Variants in STAG1 observed in about 807,000 individuals in gnomAD.
STAG1 encodes STAG1 cohesin complex component, also known as cohesin subunit SA-1.
Under a neutral mutation model 170.9 loss-of-function variants are expected in STAG1, and 26 were observed. That is an observed-to-expected ratio of 0.15 (90% CI 0.11 to 0.21). The LOEUF (loss-of-function observed/expected upper bound fraction) is 0.21. STAG1 is among the 10% of genes least tolerant of loss of function. The pLI, the probability that STAG1 is intolerant of heterozygous loss-of-function variation, is 1.00. For synonymous variants in STAG1, 514 were observed against 497.7 expected, an observed-to-expected ratio of 1.03 and a Z score of -0.44; for missense variants, 964 against 1,509.5, an observed-to-expected ratio of 0.64 and a Z score of 5.99.
At chr3:136,470,541 C>T (rs1576501520) in intron 12 of STAG1, among the ~76,000 whole-genome samples, 3 of 152,298 alleles carry the variant, frequency 2.0e-5, no homozygotes, top group African/African-American at 4.8e-5. Flanking sequence ...GTTGGTAGGA[C>T]TGTAAACTAG....
chr3:136,444,270 C>T (rs1315884031), intron 14 of STAG1, among the ~76,000 whole-genome samples: 1 of 152,136 alleles, frequency 6.6e-6, no homozygotes, highest in African/African-American at 2.4e-5. Flanking sequence ...GATGGGGTTT[C>T]ACCACGTTGG....
chr3:136,535,956 T>C (rs1305683435), intron 6 of STAG1, among the ~76,000 whole-genome samples: 3 of 152,242 alleles, frequency 2.0e-5, no homozygotes, highest in Non-Finnish European at 2.9e-5. Flanking sequence ...AATATAAATG[T>C]GATTTATGTG....
intron 1 of STAG1, among the ~76,000 whole-genome samples, chr3:136,730,076 CGCCCTCTGTCACCCAG>C (rs1163404207): frequency 1.3e-5 from 2 of 151,688 alleles, no homozygotes; most frequent in African/African-American, 4.8e-5. Context: ...GAGACAGAGT[CGCCCTCTGTCACCCAG>C]GCCCTCTGTC....
chr3:136,688,862 T>C (rs1442667818), intron 1 of STAG1, among the ~76,000 whole-genome samples: 1 of 152,214 alleles, frequency 6.6e-6, no homozygotes, highest in East Asian at 1.9e-4. Flanking sequence ...GCTTTCAAAT[T>C]TATTAACACC....
intron 2 of STAG1, among the ~76,000 whole-genome samples, chr3:136,628,261 A>G (rs1402055099): frequency 1.3e-5 from 2 of 152,148 alleles, no homozygotes; most frequent in Non-Finnish European, 2.9e-5. Context: ...CTCGCCAGCC[A>G]TGCCATGAGT....
chr3:136,406,306 T>C (rs1231518923), intron 21 of STAG1, among the ~76,000 whole-genome samples: 2 of 152,188 alleles, frequency 1.3e-5, no homozygotes, highest in African/African-American at 2.4e-5. Context: ...TCTCAACGGT[T>C]ACATGCTGTA....
At chr3:136,736,735 C>T (rs1934357428) in intron 1 of STAG1, 2 of 1,602,048 alleles carry the variant, frequency 1.2e-6, no homozygotes, top group Admixed American at 3.3e-5. Flanking sequence ...TTTTAATTTC[C>T]AGCTCAGCAA....
At chr3:136,410,228 T>A (rs1023876270) in intron 21 of STAG1, among the ~76,000 whole-genome samples, 2 of 151,642 alleles carry the variant, frequency 1.3e-5, no homozygotes, top group Non-Finnish European at 2.9e-5. Context: ...GGTGAAATCC[T>A]GTCTCTACTA....
intron 25 of STAG1, 84 bp downstream of exon 25, chr3:136,366,859 A>G (rs1263642910): frequency 8.3e-7 from 1 of 1,201,262 alleles, no homozygotes; most frequent in Non-Finnish European, 1.2e-6. Flanking sequence ...AAAGCTGTCA[A>G]TTTTAGCTTC....
chr3:136,618,819 T>C (rs1196547996), intron 3 of STAG1, among the ~76,000 whole-genome samples: 1 of 152,152 alleles, frequency 6.6e-6, no homozygotes, highest in Non-Finnish European at 1.5e-5. Context: ...ACTGTGGTTA[T>C]GTAAGAAAAA....
chr3:136,642,541 C>A (rs1940843953), intron 1 of STAG1, among the ~76,000 whole-genome samples: 1 of 152,092 alleles, frequency 6.6e-6, no homozygotes, highest in Non-Finnish European at 1.5e-5. Context: ...GCTGGGATCA[C>A]AAGCGTGAGC....
At chr3:136,393,276 G>C (rs1487415177) in intron 22 of STAG1, among the ~76,000 whole-genome samples, 1 of 152,104 alleles carries the variant, frequency 6.6e-6, no homozygotes, top group Non-Finnish European at 1.5e-5. Flanking sequence ...TAGAGTTTTA[G>C]GTGCATTATC....
intron 21 of STAG1, among the ~76,000 whole-genome samples, chr3:136,407,019 C>G (rs1304329804): frequency 1.3e-5 from 2 of 151,954 alleles, no homozygotes; most frequent in African/African-American, 4.8e-5. Context: ...ATTATATTCT[C>G]TTTTTGCAAT....
At chr3:136,372,501 T>C (rs897804656) in intron 23 of STAG1, among the ~76,000 whole-genome samples, 8 of 152,224 alleles carry the variant, frequency 5.3e-5, no homozygotes, top group Non-Finnish European at 4.4e-5. Flanking sequence ...TAGATAGCTC[T>C]TATTATTTTG....
At chr3:136,354,977 T>C (rs1197919342) in intron 28 of STAG1, among the ~76,000 whole-genome samples, 1 of 151,884 alleles carries the variant, frequency 6.6e-6, no homozygotes, top group African/African-American at 2.4e-5. Context: ...CTGGAGTGAT[T>C]ATAGTAGTAT....
At chr3:136,345,573 G>A (rs573070053) in intron 29 of STAG1, among the ~76,000 whole-genome samples, 1 of 148,136 alleles carries the variant, frequency 6.8e-6, no homozygotes, top group South Asian at 2.1e-4. Flanking sequence ...AAAGGCATAA[G>A]CTACTATGCC....
intron 24 of STAG1, 48 bp from the exon 25 acceptor site, chr3:136,367,130 G>T: frequency 1.4e-6 from 2 of 1,426,994 alleles, no homozygotes; most frequent in Non-Finnish European, 9.6e-7. Flanking sequence ...CTTTATCCAC[G>T]TAAAACAATG....
At chr3:136,451,089 G>C (rs901705378) in intron 14 of STAG1, among the ~76,000 whole-genome samples, 3 of 151,388 alleles carry the variant, frequency 2.0e-5, no homozygotes, top group Non-Finnish European at 2.9e-5. Flanking sequence ...AAGAAGTTAA[G>C]TTATTCAGGA....
rs370491466 is a variant in STAG1 at position 136,568,858 on chromosome 3, C to T, written c.301G>A (p.Val101Met). Residue 101 changes from valine (V) to methionine (M), a missense_variant, in exon 5 of 34, where the codon GTG becomes ATG. Physicochemically the swap from Val to Met is conservative, Grantham distance 21. Around this residue, in one of 11 missense-constraint regions of STAG1, gnomAD observed 33 missense variants for 86.0 expected, o/e 0.38. Transcript: ENST00000383202. ...VKLGKSAMQSVVDDWIESYKQ... is the reference protein window; with the variant it reads ...VKLGKSAMQSMVDDWIESYKQ... ...TATGATTCAATCCAGTCATCCACCA[C>T]GGACTGTGGAAAAAAAATATAAAAA... 2 of 1,594,348 alleles carry T rather than the reference C, an allele frequency of 1.3e-6. No homozygotes were observed. The highest frequency in any genetic ancestry group is 1.8e-5 in the Admixed American group (1 of 55,448).
Sources: allele counts gnomAD v4.1 joint callset (sites outside exome capture counted in the v4.1 genomes callset), GRCh38; gene constraint gnomAD v4.1.1; regional missense constraint gnomAD v4.1.1; transcripts MANE v1.5; gene names NCBI Gene and HGNC (gene_info 2026-07-23, HGNC 2026-07-21).